The following LTBP2 variants were observed in gnomAD, a reference collection of about 807,000 sequenced individuals.
The protein encoded by LTBP2 is latent transforming growth factor beta binding protein 2, also known as latent-transforming growth factor beta-binding protein 2.
LTBP2 carries 103 observed loss-of-function variants against 210.6 expected under a neutral mutation model. That is an observed-to-expected ratio of 0.49 (90% confidence interval 0.42 to 0.58). LTBP2 has a LOEUF of 0.58. Among genes scored for constraint, LTBP2 ranks in the 20% least tolerant of loss-of-function variants. LTBP2 has a pLI of 0.00. For synonymous variants in LTBP2, 1,007 were observed against 1,015.0 expected (o/e 0.99, Z 0.15); for missense variants, 2,313 against 2,494.5 (o/e 0.93, Z 1.55).
At chr14:74,502,582 A>C in intron 34 of LTBP2, 71 bp downstream of exon 34, 1 of 1,599,162 alleles carries the variant, frequency 6.3e-7, no homozygotes, top group Non-Finnish European at 8.6e-7. Flanking sequence ...CAATATGACT[A>C]GCAGGTGGAG....
intron 3 of LTBP2, among the ~76,000 whole-genome samples, chr14:74,572,284 G>GGT (rs751715934): frequency 3.1e-3 from 368 of 120,106 alleles, no homozygotes; most frequent in South Asian, 0.011. Flanking sequence ...GCAGAGGTGG[G>GGT]GTGTGTGTGT....
At chr14:74,564,357 A>T (rs868780565) in intron 3 of LTBP2, among the ~76,000 whole-genome samples, 7 of 15,372 alleles carry the variant, frequency 4.6e-4, no homozygotes, top group Admixed American at 1.5e-3. Flanking sequence ...ATATATATTT[A>T]TATATATATT....
intron 10 of LTBP2, among the ~76,000 whole-genome samples, chr14:74,531,481 G>A (rs959605838): frequency 5.9e-5 from 9 of 152,172 alleles, no homozygotes; most frequent in East Asian, 1.9e-4. Context: ...TCTTGAGAGC[G>A]GTCTGACATG....
rs2086898003 is a variant in LTBP2, at chr14:74,500,625, C to T, written c.*259G>A. Reference sequence around the variant, plus strand: ...TTTGGTAAGCATCCCATAGCAAGGCCAGGAAAGGTGGTGGACAGGGCCTCA... The same window carrying T: ...TTTGGTAAGCATCCCATAGCAAGGCTAGGAAAGGTGGTGGACAGGGCCTCA... On this transcript the variant is annotated 3_prime_UTR_variant, in exon 36 of 36. Transcript: ENST00000261978. 4 of 565,280 alleles carry T rather than the reference C, an allele frequency of 7.1e-6. No individual in the cohort carries two copies. Among genetic ancestry groups the T allele is most frequent in the Non-Finnish European group, 1.3e-5 (4 of 312,982 alleles). 35.0% of individuals were successfully genotyped at this position (565,280 alleles called of 1,614,324 possible). A position where few individuals can be genotyped will look rare whatever the true frequency, so the allele number is the denominator to read the frequency against.
intron 10 of LTBP2, 61 bp downstream of exon 10, chr14:74,532,365 C>T: frequency 1.2e-6 from 2 of 1,607,150 alleles, no homozygotes; most frequent in Non-Finnish European, 1.7e-6. Flanking sequence ...GGCCTGTGGA[C>T]CTGAAGTGTC....
chr14:74,601,744 C>G (rs1452986257), intron 2 of LTBP2, among the ~76,000 whole-genome samples: 1 of 152,180 alleles, frequency 6.6e-6, no homozygotes, highest in Non-Finnish European at 1.5e-5. Flanking sequence ...GGTGTTAGGA[C>G]AACCACGTTA....
intron 8 of LTBP2, among the ~76,000 whole-genome samples, chr14:74,544,567 TG>T (rs1479525112): frequency 6.6e-6 from 1 of 152,106 alleles, no homozygotes; most frequent in Non-Finnish European, 1.5e-5. Flanking sequence ...CTGCCCCTCA[TG>T]CCCCCAGCAC....
chr14:74,597,519 A>T (rs1314519807), intron 2 of LTBP2, among the ~76,000 whole-genome samples: 1 of 152,188 alleles, frequency 6.6e-6, no homozygotes, highest in African/African-American at 2.4e-5. Context: ...TGTACAAAGG[A>T]CACAGGTGTG....
intron 10 of LTBP2, among the ~76,000 whole-genome samples, chr14:74,530,928 G>A (rs1315741125): frequency 6.6e-6 from 1 of 152,248 alleles, no homozygotes; most frequent in Non-Finnish European, 1.5e-5. Context: ...ATTAAATAGA[G>A]TGAGGTGTGT....
rs752081578 is a variant in LTBP2, at chr14:74,503,214, C to T, written c.4888+5G>A. On this transcript the variant is annotated splice_donor_5th_base_variant and intron_variant, in intron 33 of 35. Coordinates refer to ENST00000261978, the MANE Select transcript of LTBP2 (RefSeq NM_000428.3). ...CTGCAGGGTATCCCCTTTGCTCCCCCTCACCAGAGCTCCTCGGGGGACACA... is the reference window on the plus strand; with the variant it reads ...CTGCAGGGTATCCCCTTTGCTCCCCTTCACCAGAGCTCCTCGGGGGACACA... 12 of 1,613,860 alleles carry T rather than the reference C, an allele frequency of 7.4e-6. No individual in the cohort carries two copies. The highest frequency in any genetic ancestry group is 1.1e-5 in the South Asian group (1 of 91,070).
chr14:74,548,768 A>C (rs2087610330), intron 8 of LTBP2, among the ~76,000 whole-genome samples: 1 of 152,180 alleles, frequency 6.6e-6, no homozygotes, highest in African/African-American at 2.4e-5. Context: ...ATTTCATTTA[A>C]TCTCTACAGC....
chr14:74,501,662 C>T (rs993488197), intron 34 of LTBP2, 72 bp from the exon 35 acceptor site: 14 of 1,595,566 alleles, frequency 8.8e-6, no homozygotes, highest in Non-Finnish European at 1.2e-5. Context: ...CTGGGACCCT[C>T]GCCCTTCTGG....
chr14:74,511,054 C>A (rs571990781), intron 19 of LTBP2, among the ~76,000 whole-genome samples, 191 bp downstream of exon 19: 28 of 152,360 alleles, frequency 1.8e-4, no homozygotes, highest in African/African-American at 6.7e-4. Context: ...AAGGGCCCCA[C>A]CCTAGCTGAT....
rs1175174587 is a variant in LTBP2 at position 74,540,821 on chromosome 14, T to TA, written c.1790-4822_1790-4821insT. 3.0e-4 allele frequency among the ~76,000 whole-genome samples: 6 copies of TA among 20,000 alleles called. No homozygotes were observed. In the Non-Finnish European group the frequency reaches 4.1e-3, roughly 14 times the overall value. The allele number at this position is 20,000 out of a possible 152,430, so 13.1% of individuals were successfully genotyped here. A position where few individuals can be genotyped will look rare whatever the true frequency, so the allele number is the denominator to read the frequency against. ...TATATATATATATAATATATATATA[T>TA]TTTTATATAATATATATTTATATAT... On this transcript the variant is annotated intron_variant, in intron 8 of 35. Transcript: ENST00000261978.
chr14:74,526,496 T>A (rs1331246194), intron 13 of LTBP2, among the ~76,000 whole-genome samples: 5 of 151,610 alleles, frequency 3.3e-5, no homozygotes, highest in Non-Finnish European at 7.4e-5. Flanking sequence ...AGGGCCAGAG[T>A]GGGGAAGCTG....
chr14:74,521,378 G>A (rs1398790421), intron 17 of LTBP2, among the ~76,000 whole-genome samples: 1 of 152,100 alleles, frequency 6.6e-6, no homozygotes, highest in African/African-American at 2.4e-5. Context: ...CATCATTAAA[G>A]GGTTTGCGTT....
chr14:74,562,041 C>T (rs1254384687), intron 3 of LTBP2, among the ~76,000 whole-genome samples: 1 of 152,044 alleles, frequency 6.6e-6, no homozygotes, highest in East Asian at 1.9e-4. Flanking sequence ...GAAACGCTGT[C>T]TCTACTAAAA....
chr14:74,592,148 TG>T (rs774181579), intron 2 of LTBP2, among the ~76,000 whole-genome samples: 29 of 152,352 alleles, frequency 1.9e-4, no homozygotes, highest in Non-Finnish European at 4.0e-4. Flanking sequence ...CTATGCCAAA[TG>T]AGCATGATTT....
chr14:74,509,726 A>AGG lies in LTBP2; in HGVS notation c.3277+6_3277+7dup, dbSNP rs756612914. On this transcript the variant is annotated splice_region_variant and intron_variant, in intron 21 of 35. Coordinates refer to ENST00000261978, the MANE Select transcript of LTBP2 (RefSeq NM_000428.3). ...TGTCCCCTTCCACCACTGCCTCCCC[A>AGG]GGGTTACCTTCACAGGCAGTGCCGT... 9 of 1,613,970 alleles carry AGG rather than the reference A, an allele frequency of 5.6e-6. No individual in the cohort carries two copies. The South Asian group carries it at 9.9e-5, about 18-fold the overall frequency.
Sources: allele counts gnomAD v4.1 joint callset (sites outside exome capture counted in the v4.1 genomes callset), GRCh38; gene constraint gnomAD v4.1.1; transcripts MANE v1.5; gene names NCBI Gene and HGNC (gene_info 2026-07-23, HGNC 2026-07-21).